Variants in RTTN observed in about 807,000 individuals in gnomAD.
The protein encoded by RTTN is rotatin.
RTTN carries 182 observed loss-of-function variants against 269.2 expected under a neutral mutation model. The ratio of observed to expected loss-of-function variants is 0.68; its 90% CI spans 0.60 to 0.76. RTTN has a LOEUF of 0.76. Ranked by LOEUF, RTTN falls within the 30% of genes least tolerant of loss-of-function variation. The probability of loss-of-function intolerance (pLI) is 0.00; values close to 1 mark genes in which losing one functional copy is unlikely to be tolerated. For synonymous variants in RTTN, 1,006 were observed against 963.5 expected (o/e 1.04, Z -0.82); for missense variants, 2,545 against 2,608.6 (o/e 0.98, Z 0.53).
At chr18:70,203,709 C>T (rs1164659278) in intron 3 of RTTN, among the ~76,000 whole-genome samples, 1 of 152,112 alleles carries the variant, frequency 6.6e-6, no homozygotes, top group Non-Finnish European at 1.5e-5. Flanking sequence ...AGATCATGAG[C>T]TAGGACAGAT....
intron 20 of RTTN, 100 bp from the exon 21 acceptor site, chr18:70,139,816 A>G (rs1391110756): frequency 2.7e-6 from 2 of 751,762 alleles, no homozygotes; most frequent in Non-Finnish European, 4.5e-6. Context: ...ATGCGTTTTC[A>G]TCAAAATTAT....
chr18:70,048,304 G>A, intron 39 of RTTN, 116 bp from the exon 40 acceptor site: 1 of 988,220 alleles, frequency 1.0e-6, no homozygotes, highest in Non-Finnish European at 1.5e-6. Context: ...ACCAACTTGT[G>A]TGATTGTGTT....
chr18:70,114,599 T>C lies in RTTN; in HGVS notation c.3529A>G (p.Ser1177Gly). The change falls in exon 27 of 49, where the codon AGT becomes GGT. Residue 1177 changes from serine to glycine, a missense_variant and splice_region_variant. Physicochemically the swap from Ser to Gly is moderately conservative, Grantham distance 56 (BLOSUM62 0). Transcript: ENST00000640769. ...AAGAGGTCTAACAGTGGGTTTGCAC[T>C]CTAAAAAATGAAATTTGTAAAAAAT... is the stretch of plus-strand genomic sequence containing the variant. ...NWILELLLRHSANPLLDLLVL... is the reference protein window; with the variant it reads ...NWILELLLRHGANPLLDLLVL... 6.2e-7 allele frequency: 1 copy of C among 1,604,772 alleles called. No homozygotes were observed. Among genetic ancestry groups the C allele is most frequent in the South Asian group, 1.1e-5 (1 of 88,886 alleles).
chr18:70,086,870 G>A (rs1311043410), intron 31 of RTTN, among the ~76,000 whole-genome samples, 186 bp from the exon 32 acceptor site: 1 of 152,076 alleles, frequency 6.6e-6, no homozygotes, highest in Non-Finnish European at 1.5e-5. Flanking sequence ...GTTAGGTGAT[G>A]ACCTTCTTAG....
chr18:70,122,393 A>T (rs893888100), intron 25 of RTTN, among the ~76,000 whole-genome samples: 1 of 152,140 alleles, frequency 6.6e-6, no homozygotes, highest in Non-Finnish European at 1.5e-5. Context: ...TTTATCTGTA[A>T]TGTTTTATTT....
intron 28 of RTTN, among the ~76,000 whole-genome samples, chr18:70,106,039 T>C (rs760740027): frequency 2.3e-4 from 35 of 152,162 alleles, no homozygotes; most frequent in Non-Finnish European, 4.4e-4. Context: ...CATAGTCTAC[T>C]AGAGCAATGC....
In RTTN at chr18:70,005,261, T is replaced by C. The variant is rs2056147627; in HGVS notation, c.6532A>G (p.Thr2178Ala). ...TTTACTGATGGGCTTTTCAAAGCTG[T>C]TTTTGCCTAGAACAATCCATTAATT... ...ALIYNYQKAK[T>A]ALKSPSVKRR... Residue 2178 changes from threonine to alanine, a missense_variant, in exon 48 of 49, where the codon ACA becomes GCA. Thr to Ala is a moderately conservative substitution (Grantham distance 58). Transcript: ENST00000640769. 1.2e-6 allele frequency: 2 copies of C among 1,611,710 alleles called. No individual in the cohort carries two copies. Among genetic ancestry groups the C allele is most frequent in the Non-Finnish European group, 1.7e-6 (2 of 1,178,526 alleles).
chr18:70,132,155 C>T (rs1302395077), intron 23 of RTTN, among the ~76,000 whole-genome samples: 2 of 152,056 alleles, frequency 1.3e-5, no homozygotes, highest in Non-Finnish European at 2.9e-5. Context: ...AACTAAATTA[C>T]ATGGCCTCAA....
chr18:70,129,019 G>T (rs2059933879), intron 23 of RTTN: 1 of 152,458 alleles, frequency 6.6e-6, no homozygotes, highest in African/African-American at 2.4e-5. Flanking sequence ...GATCATAGAG[G>T]TCACTAAATG....
intron 46 of RTTN, among the ~76,000 whole-genome samples, chr18:70,013,423 G>GAGTGTGTATGTATATATACATA: frequency 6.6e-6 from 1 of 152,040 alleles, no homozygotes; most frequent in African/African-American, 2.4e-5. Flanking sequence ...CTGTGTGTGT[G>GAGTGTGTATGTATATATACATA]TGTGTGTGTG....
intron 28 of RTTN, among the ~76,000 whole-genome samples, chr18:70,102,499 C>T (rs1257179327): frequency 1.3e-5 from 2 of 152,158 alleles, no homozygotes; most frequent in East Asian, 1.9e-4. Context: ...GAATATAGCA[C>T]ACTGATGGGT....
At chr18:70,122,321 G>A (rs1046863998) in intron 25 of RTTN, among the ~76,000 whole-genome samples, 6 of 151,924 alleles carry the variant, frequency 3.9e-5, no homozygotes, top group Non-Finnish European at 1.5e-5. Context: ...TATTTAAAAG[G>A]GAGAAGTAGT....
intron 10 of RTTN, among the ~76,000 whole-genome samples, chr18:70,178,212 G>A (rs113762453): frequency 5.3e-5 from 8 of 152,294 alleles, no homozygotes; most frequent in African/African-American, 1.9e-4. Flanking sequence ...CTTGGCGACA[G>A]AGCAAGACTC....
intron 30 of RTTN, among the ~76,000 whole-genome samples, chr18:70,088,398 T>C (rs749807335): frequency 1.3e-5 from 2 of 152,158 alleles, no homozygotes; most frequent in Non-Finnish European, 2.9e-5. Context: ...GCATAAAAAT[T>C]ATAGTTTGCA....
chr18:70,077,576 T>C (rs1279812159), intron 32 of RTTN, among the ~76,000 whole-genome samples: 1 of 151,988 alleles, frequency 6.6e-6, no homozygotes, highest in Non-Finnish European at 1.5e-5. Flanking sequence ...ATTAGAACTC[T>C]TGCAATTATT....
In RTTN at chr18:70,196,613, A is replaced by G. The variant is rs772941230; in HGVS notation, c.729T>C (p.Asp243=). 8.1e-7 allele frequency: 1 copy of G among 1,241,694 alleles called. No individual in the cohort carries two copies. Among genetic ancestry groups the G allele is most frequent in the Non-Finnish European group, 1.1e-6 (1 of 901,792 alleles). The allele number at this position is 1,241,694 out of a possible 1,614,324, so 76.9% of individuals were successfully genotyped here. A position where few individuals can be genotyped will look rare whatever the true frequency, so the allele number is the denominator to read the frequency against. ...ACTGTAATGCCAGGCGATGCTTTCC[A>G]TCTCCAAAGGCCAGTTTCAACAGAG... ...LLSLLKLAFG[D]GKHRLALQSV... Residue 243 remains aspartate, a synonymous_variant, in exon 7 of 49, where the codon GAT becomes GAC. Transcript: ENST00000640769.
intron 26 of RTTN, among the ~76,000 whole-genome samples, chr18:70,114,867 T>C (rs1401565653): frequency 6.6e-6 from 1 of 152,090 alleles, no homozygotes; most frequent in African/African-American, 2.4e-5. Context: ...AAATTGCCAC[T>C]ATTATATATT....
chr18:70,157,160 T>G (rs2060702438), intron 14 of RTTN, among the ~76,000 whole-genome samples: 1 of 151,874 alleles, frequency 6.6e-6, no homozygotes, highest in Admixed American at 6.6e-5. Context: ...ACAAGTGCAC[T>G]CTCCCAAAGC....
intron 28 of RTTN, among the ~76,000 whole-genome samples, chr18:70,106,559 A>G (rs536290112): frequency 2.2e-4 from 33 of 152,320 alleles, no homozygotes; most frequent in African/African-American, 7.7e-4. Flanking sequence ...AGAGGAAACT[A>G]TGTGAAAGAA....
Sources: gnomAD v4.1 joint callset for allele counts (sites outside exome capture counted in the v4.1 genomes callset) on GRCh38, gnomAD v4.1.1 for gene constraint, MANE v1.5 for transcripts, NCBI Gene and HGNC (gene_info 2026-07-23, HGNC 2026-07-21) for gene names.